GSAP: variants seen among roughly 807,000 people sequenced by gnomAD.
The protein encoded by GSAP is gamma-secretase-activating protein.
In GSAP, 118 loss-of-function variants were observed where a neutral mutation model predicts 131.7. That is an observed-to-expected ratio of 0.90 (90% CI 0.77 to 1.04). The LOEUF is 1.04. GSAP is among the 50% of genes least tolerant of loss of function. The pLI is 0.00. For missense variants in GSAP, 1,019 were observed against 1,013.2 expected, an observed-to-expected ratio of 1.01 and a Z score of -0.08; for synonymous variants, 381 against 363.4, an observed-to-expected ratio of 1.05 and a Z score of -0.55.
rs1584291015 is a variant in GSAP, at chr7:77,330,387, C to T, written c.1546-20G>A. The T allele has an allele frequency of 6.2e-7, 1 of 1,610,288 alleles. No homozygotes were observed. The highest frequency in any genetic ancestry group is 8.5e-7 in the Non-Finnish European group (1 of 1,177,820). On this transcript the variant is annotated intron_variant, in intron 19 of 30. Coordinates refer to ENST00000257626, the MANE Select transcript of GSAP (RefSeq NM_017439.4). ...GAGCACCTGTAGGAGACAAAAACAT[C>T]AGTGGCCTTCAGAGGCAGGCCCAGT... is the stretch of plus-strand genomic sequence containing the variant.
chr7:77,327,196 G>C (rs1425635414), intron 22 of GSAP: 2 of 152,230 alleles, frequency 1.3e-5, no homozygotes, highest in African/African-American at 4.8e-5. Flanking sequence ...GGAAAGGGAA[G>C]AGTTTCCTAA....
intron 26 of GSAP, among the ~76,000 whole-genome samples, chr7:77,319,913 A>G (rs1787397436): frequency 6.6e-6 from 1 of 152,234 alleles, no homozygotes; most frequent in Non-Finnish European, 1.5e-5. Context: ...CAATGGGTAT[A>G]AAGTTTCAGC....
At position 77,330,253 on chromosome 7, in the gene GSAP, G is replaced by A; in HGVS notation, c.1660C>T (p.Leu554=). 4 of 1,612,638 alleles carry A rather than the reference G, an allele frequency of 2.5e-6. No individual in the cohort carries two copies. The highest frequency in any genetic ancestry group is 3.4e-6 in the Non-Finnish European group (4 of 1,179,240). ...NSVVRREWHN[L]ISEEKTGKRR... ...CCCACTCATACCTCTTCAGAGATCAGGTTGTGCCACTCTCTCCTGACCACA... is the reference window on the plus strand; with the variant it reads ...CCCACTCATACCTCTTCAGAGATCAAGTTGTGCCACTCTCTCCTGACCACA... The change falls in exon 20 of 31, where the codon CTG becomes TTG. Residue 554 remains leucine (L), a synonymous_variant. Coordinates refer to ENST00000257626, the MANE Select transcript of GSAP (RefSeq NM_017439.4).
At chr7:77,392,776 G>C (rs923064691) in intron 5 of GSAP, among the ~76,000 whole-genome samples, 1 of 152,262 alleles carries the variant, frequency 6.6e-6, no homozygotes, top group East Asian at 1.9e-4. Context: ...AAGGAGCTCT[G>C]GTTATTCAAG....
At chr7:77,376,657 G>C (rs1796911265) in intron 10 of GSAP, among the ~76,000 whole-genome samples, 191 bp downstream of exon 10, 1 of 151,424 alleles carries the variant, frequency 6.6e-6, no homozygotes, top group Non-Finnish European at 1.5e-5. Flanking sequence ...GGTGCCTGTA[G>C]TCCTAGCTAC....
intron 19 of GSAP, among the ~76,000 whole-genome samples, chr7:77,347,978 C>A (rs1403047515): frequency 6.7e-6 from 1 of 148,600 alleles, no homozygotes; most frequent in Non-Finnish European, 1.5e-5. Flanking sequence ...TAGCAAGACC[C>A]CATCTCTACA....
At position 77,330,648 on chromosome 7, in the gene GSAP, AG is replaced by A. The variant is rs1194763014; in HGVS notation, c.1546-282del. The A allele has an allele frequency of 3.9e-6, 4 of 1,037,914 alleles. No individual in the cohort carries two copies. In the African/African-American group the frequency reaches 6.9e-5, roughly 18 times the overall value. 64.3% of individuals were successfully genotyped at this position (1,037,914 alleles called of 1,614,324 possible). A position where few individuals can be genotyped will look rare whatever the true frequency, so the allele number is the denominator to read the frequency against. On this transcript the variant is annotated intron_variant, in intron 19 of 30. Transcript: ENST00000257626. Reference sequence around the variant, plus strand: ...CTGCTGCTCACTTCCCAAAACCAACAGGACTTCCCCAGATTGAGGCTTAGCA... The same window carrying A: ...CTGCTGCTCACTTCCCAAAACCAACAGACTTCCCCAGATTGAGGCTTAGCA...
chr7:77,414,003 C>G (rs140007674), intron 1 of GSAP, among the ~76,000 whole-genome samples: 1 of 152,264 alleles, frequency 6.6e-6, no homozygotes, highest in Middle Eastern at 3.4e-3. Flanking sequence ...AATGCAGTAA[C>G]CAAATCTGTT....
At chr7:77,397,279 T>C in intron 4 of GSAP, 67 bp downstream of exon 4, 1 of 986,498 alleles carries the variant, frequency 1.0e-6, no homozygotes, top group South Asian at 1.4e-5. Context: ...TGCAAAAATC[T>C]AATACTTTGA....
At chr7:77,339,655 A>G (rs990749714) in intron 19 of GSAP, among the ~76,000 whole-genome samples, 1 of 134,916 alleles carries the variant, frequency 7.4e-6, no homozygotes, top group Non-Finnish European at 1.6e-5. Flanking sequence ...ACGTGAGGAG[A>G]AAGAGGGAAT....
intron 5 of GSAP, among the ~76,000 whole-genome samples, chr7:77,391,920 G>A (rs1053187932): frequency 1.3e-5 from 2 of 152,118 alleles, no homozygotes; most frequent in Non-Finnish European, 1.5e-5. Context: ...TATTCTATGA[G>A]GTGCTAAATT....
At chr7:77,399,749 C>A (rs1801014136) in intron 3 of GSAP, among the ~76,000 whole-genome samples, 1 of 151,994 alleles carries the variant, frequency 6.6e-6, no homozygotes, top group Non-Finnish European at 1.5e-5. Context: ...GTCCCTATTG[C>A]TCCCACCAAG....
Position 77,404,497 on chromosome 7 carries a change from G to A in GSAP, c.243+62C>T, listed in dbSNP as rs1037293710. The A allele has an allele frequency of 7.4e-6, 6 of 808,848 alleles. No individual in the cohort carries two copies. In the African/African-American group the frequency reaches 1.0e-4, roughly 14 times the overall value. The allele number at this position is 808,848 out of a possible 1,614,324, so 50.1% of individuals were successfully genotyped here. ...AAGTTGGAATTTATATCTAGAAAAA[G>A]GAGGAGACAAAGAAAACTCTAAAGG... is the stretch of plus-strand genomic sequence containing the variant. On this transcript the variant is annotated intron_variant, in intron 3 of 30. Transcript: ENST00000257626.
intron 19 of GSAP, among the ~76,000 whole-genome samples, chr7:77,336,163 C>T (rs1310753377): frequency 1.3e-5 from 2 of 152,316 alleles, no homozygotes; most frequent in Non-Finnish European, 1.5e-5. Context: ...TTCTATTAGC[C>T]ATTTTTAATG....
At chr7:77,372,149 G>A (rs761972542) in intron 12 of GSAP, among the ~76,000 whole-genome samples, 10 of 152,150 alleles carry the variant, frequency 6.6e-5, no homozygotes, top group Non-Finnish European at 1.0e-4. Context: ...ATGTATAAAG[G>A]AAAAAGTTAA....
At chr7:77,350,092 CATAAAAAA>C (rs1165614208) in intron 18 of GSAP, among the ~76,000 whole-genome samples, 1 of 151,648 alleles carries the variant, frequency 6.6e-6, no homozygotes, top group Non-Finnish European at 1.5e-5. Context: ...ACTATGCAGC[CATAAAAAA>C]TGATGAGTTC....
chr7:77,412,431 G>A (rs1803446811), intron 1 of GSAP, among the ~76,000 whole-genome samples: 1 of 152,080 alleles, frequency 6.6e-6, no homozygotes, highest in African/African-American at 2.4e-5. Context: ...TACTAAAAAT[G>A]TCTTCACGAC....
rs748790550 is a variant in GSAP at position 77,360,817 on chromosome 7, C to T, written c.1027+7G>A. Reference sequence around the variant, plus strand: ...AGAGCAGGGGGTGTGATCTCTCCATCACTCACCAAGGTTGAGAAAAGTAAT... The same window carrying T: ...AGAGCAGGGGGTGTGATCTCTCCATTACTCACCAAGGTTGAGAAAAGTAAT... On this transcript the variant is annotated splice_region_variant and intron_variant, in intron 14 of 30. Transcript: ENST00000257626. The T allele has an allele frequency of 9.4e-6, 14 of 1,486,816 alleles. No homozygotes were observed. The highest frequency in any genetic ancestry group is 1.4e-5 in the African/African-American group (1 of 71,816). 92.1% of individuals were successfully genotyped at this position (1,486,816 alleles called of 1,614,324 possible). A position where few individuals can be genotyped will look rare whatever the true frequency, so the allele number is the denominator to read the frequency against.
chr7:77,358,327 C>A (rs563579272), intron 14 of GSAP, among the ~76,000 whole-genome samples: 2 of 152,310 alleles, frequency 1.3e-5, no homozygotes, highest in East Asian at 3.9e-4. Flanking sequence ...GGCAACAGAG[C>A]AAGATCCTGT....
Sources: allele counts gnomAD v4.1 joint callset (sites outside exome capture counted in the v4.1 genomes callset), GRCh38; gene constraint gnomAD v4.1.1; transcripts MANE v1.5; gene names NCBI Gene and HGNC (gene_info 2026-07-23, HGNC 2026-07-21).